NDST4: variants seen among roughly 807,000 people sequenced by gnomAD.
The protein encoded by NDST4 is N-heparan sulfate sulfotransferase 4.
In NDST4, 63 loss-of-function variants were observed where a neutral mutation model predicts 100.8. The ratio of observed to expected loss-of-function variants is 0.62; its 90% CI spans 0.51 to 0.77. The LOEUF is 0.77. Ranked by LOEUF, NDST4 falls within the 30% of genes least tolerant of loss-of-function variation. The probability of loss-of-function intolerance (pLI) is 0.00; values close to 1 mark genes in which losing one functional copy is unlikely to be tolerated. For synonymous variants in NDST4, 377 were observed against 361.8 expected, an observed-to-expected ratio of 1.04 and a Z score of -0.48; for missense variants, 943 against 1,018.4, an observed-to-expected ratio of 0.93 and a Z score of 1.01.
At chr4:115,051,369 T>C (rs1728579970) in intron 2 of NDST4, among the ~76,000 whole-genome samples, 1 of 152,100 alleles carries the variant, frequency 6.6e-6, no homozygotes, top group Non-Finnish European at 1.5e-5. Context: ...TACATTTAAG[T>C]AGTAATAACC....
chr4:115,001,131 A>T (rs1727281078), intron 2 of NDST4, among the ~76,000 whole-genome samples: 1 of 152,102 alleles, frequency 6.6e-6, no homozygotes, highest in African/African-American at 2.4e-5. Flanking sequence ...CATTCAGACC[A>T]TAGCATTTAT....
At chr4:114,872,956 G>A (rs1724180766) in intron 6 of NDST4, among the ~76,000 whole-genome samples, 1 of 151,690 alleles carries the variant, frequency 6.6e-6, no homozygotes, top group African/African-American at 2.4e-5. Flanking sequence ...AAAAAAGCAA[G>A]ACAAAGAACA....
intron 7 of NDST4, among the ~76,000 whole-genome samples, chr4:114,861,852 G>T (rs77074175): frequency 0.025 from 3,733 of 152,206 alleles, 168 homozygotes; most frequent in African/African-American, 0.085. Flanking sequence ...ACCCATGCAA[G>T]TGGCCTTCCC....
Position 114,852,892 on chromosome 4 carries a change from A to G in NDST4, c.1720-71T>C, listed in dbSNP as rs929848667. 5.5e-6 allele frequency: 6 copies of G among 1,090,590 alleles called. 1 individual carries two copies. In the Admixed American group the frequency reaches 1.2e-4, roughly 22 times the overall value. 67.6% of individuals were successfully genotyped at this position (1,090,590 alleles called of 1,614,324 possible). Reference sequence around the variant, plus strand: ...GGCTCTGTTCTCTAAAAATTGTTCAAAAGATGGAATCAAATTCTGGCCTAA... The same window carrying G: ...GGCTCTGTTCTCTAAAAATTGTTCAGAAGATGGAATCAAATTCTGGCCTAA... On this transcript the variant is annotated intron_variant, in intron 7 of 13. Transcript: ENST00000264363.
intron 2 of NDST4, among the ~76,000 whole-genome samples, chr4:115,050,173 T>C (rs494047): frequency 0.17 from 25,307 of 152,096 alleles, 2,523 homozygotes; most frequent in East Asian, 0.45. Context: ...AAAGTTTTAT[T>C]CTTGTGTAGG....
chr4:114,993,406 G>T (rs1283976263), intron 2 of NDST4, among the ~76,000 whole-genome samples: 1 of 151,856 alleles, frequency 6.6e-6, no homozygotes, highest in Admixed American at 6.6e-5. Flanking sequence ...TATTGTTTCT[G>T]TTTTAAGTAA....
intron 2 of NDST4, among the ~76,000 whole-genome samples, chr4:115,050,150 T>C (rs976722212): frequency 1.3e-5 from 2 of 152,140 alleles, no homozygotes; most frequent in Non-Finnish European, 2.9e-5. Flanking sequence ...AAACACAAAT[T>C]GAGTGAATTC....
intron 1 of NDST4, among the ~76,000 whole-genome samples, chr4:115,107,942 T>C (rs1729863415): frequency 6.6e-6 from 1 of 152,032 alleles, no homozygotes; most frequent in Non-Finnish European, 1.5e-5. Context: ...CAAGAAAATG[T>C]CCTGTTTCAA....
At chr4:114,922,467 T>C (rs1205859970) in intron 6 of NDST4, among the ~76,000 whole-genome samples, 1 of 152,184 alleles carries the variant, frequency 6.6e-6, no homozygotes, top group African/African-American at 2.4e-5. Context: ...CATGTCAATG[T>C]ATAAGATCCC....
At chr4:114,980,512 C>T (rs1726743231) in intron 2 of NDST4, among the ~76,000 whole-genome samples, 1 of 150,324 alleles carries the variant, frequency 6.7e-6, no homozygotes, top group Non-Finnish European at 1.5e-5. Context: ...CGTGGTAGTG[C>T]ATGCCTGTAA....
At chr4:114,883,507 A>G (rs537062556) in intron 6 of NDST4, among the ~76,000 whole-genome samples, 104 of 152,164 alleles carry the variant, frequency 6.8e-4, no homozygotes, top group Non-Finnish European at 1.1e-3. Flanking sequence ...GCAATGTTCA[A>G]TTAAAACCTG....
chr4:114,848,078 T>G (rs1173256312), intron 9 of NDST4, 137 bp downstream of exon 9: 10 of 698,692 alleles, frequency 1.4e-5, no homozygotes, highest in Admixed American at 3.5e-5. Flanking sequence ...AAACATATCA[T>G]CATTATAAAT....
intron 4 of NDST4, among the ~76,000 whole-genome samples, chr4:114,954,408 A>G (rs1000957529): frequency 6.6e-6 from 1 of 152,172 alleles, no homozygotes; most frequent in Admixed American, 6.5e-5. Flanking sequence ...GCAGGATGGC[A>G]ACTTTGGCAC....
rs781357888 is a variant in NDST4, at chr4:115,076,156, TTCCCTGACAAGAAGGAGA to T, written c.863_880del (p.Ile288_Gly293del). 12 of 1,613,996 alleles carry T rather than the reference TTCCCTGACAAGAAGGAGA, an allele frequency of 7.4e-6. No individual in the cohort carries two copies. The highest frequency in any genetic ancestry group is 1.0e-5 in the Non-Finnish European group (12 of 1,179,950). ...CCTGTCCAAGGACAATGTCAGCCTCTTCCCTGACAAGAAGGAGATGGCATCTATGAAGATGAGCTTGTG... is the reference window on the plus strand; with the variant it reads ...CCTGTCCAAGGACAATGTCAGCCTCTTGGCATCTATGAAGATGAGCTTGTG... On this transcript the variant is annotated inframe_deletion, in exon 2 of 14. Transcript: ENST00000264363.
At chr4:115,113,286 G>T (rs1351387279) in intron 1 of NDST4, among the ~76,000 whole-genome samples, 158 bp downstream of exon 1, 1 of 151,776 alleles carries the variant, frequency 6.6e-6, no homozygotes, top group East Asian at 1.9e-4. Flanking sequence ...ACACACATGC[G>T]GAAAAGGGAG....
rs115661953 is a variant in NDST4 at position 115,015,176 on chromosome 4, T to C, written c.979-37902A>G. ...ACACCAATTACACAGTTTTTGTGTG[T>C]AATTGATATGAGGACCATGGACATT... On this transcript the variant is annotated intron_variant, in intron 2 of 13. Coordinates refer to ENST00000264363, the MANE Select transcript of NDST4 (RefSeq NM_022569.3). Among the ~76,000 whole-genome samples, 185 of 152,198 alleles carry C rather than the reference T, an allele frequency of 1.2e-3. 1 individual carries two copies. Among genetic ancestry groups the C allele is most frequent in the Non-Finnish European group, 2.3e-3 (154 of 67,984 alleles).
intron 2 of NDST4, among the ~76,000 whole-genome samples, chr4:115,043,677 T>C (rs1228973457): frequency 6.6e-6 from 1 of 152,078 alleles, no homozygotes; most frequent in African/African-American, 2.4e-5. Context: ...CTACTAATTA[T>C]CTCCTGGATG....
At chr4:114,918,903 G>A (rs2126218200) in intron 6 of NDST4, among the ~76,000 whole-genome samples, 2 of 152,214 alleles carry the variant, frequency 1.3e-5, no homozygotes, top group Middle Eastern at 3.4e-3. Context: ...TCTGCAGATT[G>A]TTTTTTGTTT....
chr4:114,880,389 C>T (rs1159428688), intron 6 of NDST4, among the ~76,000 whole-genome samples: 1 of 152,104 alleles, frequency 6.6e-6, no homozygotes, highest in African/African-American at 2.4e-5. Flanking sequence ...TACCATTACT[C>T]TTTTTAAGAG....
Sources: allele counts gnomAD v4.1 joint callset (sites outside exome capture counted in the v4.1 genomes callset), GRCh38; gene constraint gnomAD v4.1.1; transcripts MANE v1.5; gene names NCBI Gene and HGNC (gene_info 2026-07-23, HGNC 2026-07-21).